Variants in RPS6KC1 observed in about 807,000 individuals in gnomAD.
RPS6KC1 encodes inactive ribosomal protein S6 kinase delta-1.
In RPS6KC1, 54 loss-of-function variants were observed where a neutral mutation model predicts 103.8. The ratio of observed to expected loss-of-function variants is 0.52; its 90% CI spans 0.42 to 0.65. RPS6KC1 has a LOEUF of 0.65. Among genes scored for constraint, RPS6KC1 ranks in the 30% least tolerant of loss-of-function variants. RPS6KC1 has a pLI of 0.00. For synonymous variants in RPS6KC1, 439 were observed against 438.7 expected, an observed-to-expected ratio of 1.00 and a Z score of -0.01; for missense variants, 1,151 against 1,253.8, an observed-to-expected ratio of 0.92 and a Z score of 1.24.
chr1:213,342,793 A>G, the RPS6KC1 span, among the ~76,000 whole-genome samples: 3 of 152,322 alleles, frequency 2.0e-5, no homozygotes, highest in African/African-American at 7.2e-5. Flanking sequence ...AAAGAGAAGA[A>G]CTAAAAGATA....
chr1:213,699,012 G>T, the RPS6KC1 span, among the ~76,000 whole-genome samples: 1 of 151,740 alleles, frequency 6.6e-6, no homozygotes, highest in Non-Finnish European at 1.5e-5. Context: ...ATGGAAAATG[G>T]GGTATTATTA....
At chr1:213,105,193 G>A (rs2082358573) in intron 4 of RPS6KC1, among the ~76,000 whole-genome samples, 2 of 149,368 alleles carry the variant, frequency 1.3e-5, no homozygotes, top group South Asian at 4.2e-4. Context: ...TAAGTTCCTA[G>A]ATATGTAATG....
the RPS6KC1 span, among the ~76,000 whole-genome samples, chr1:213,565,602 A>G: frequency 6.6e-6 from 1 of 152,200 alleles, no homozygotes; most frequent in African/African-American, 2.4e-5. Flanking sequence ...TTTGAAGGGA[A>G]TAGGGATGGA....
the RPS6KC1 span, among the ~76,000 whole-genome samples, chr1:213,701,791 A>T: frequency 1.5e-3 from 234 of 151,862 alleles, no homozygotes; most frequent in Non-Finnish European, 2.5e-3. Flanking sequence ...TATTTATTAG[A>T]GTCTTCTCAC....
At chr1:213,516,982 C>T in the RPS6KC1 span, among the ~76,000 whole-genome samples, 1 of 152,226 alleles carries the variant, frequency 6.6e-6, no homozygotes, top group East Asian at 1.9e-4. Context: ...AGGAATTTAT[C>T]CATTTCTTCT....
chr1:213,801,017 G>A, the RPS6KC1 span, among the ~76,000 whole-genome samples: 5 of 152,168 alleles, frequency 3.3e-5, no homozygotes, highest in African/African-American at 7.2e-5. Context: ...TCCTTCTCAG[G>A]TCTGGGATCT....
At chr1:213,220,334 T>C (rs1008756955) in intron 8 of RPS6KC1, among the ~76,000 whole-genome samples, 4 of 152,138 alleles carry the variant, frequency 2.6e-5, no homozygotes, top group African/African-American at 9.7e-5. Flanking sequence ...CTGTTGCCAT[T>C]TTATGTTTTT....
chr1:213,329,162 A>G, the RPS6KC1 span, among the ~76,000 whole-genome samples: 1 of 152,084 alleles, frequency 6.6e-6, no homozygotes, highest in East Asian at 1.9e-4. Context: ...AATTAAATTC[A>G]TCTTGGGGCT....
chr1:213,757,248 A>G, the RPS6KC1 span, among the ~76,000 whole-genome samples: 1 of 152,258 alleles, frequency 6.6e-6, no homozygotes, highest in East Asian at 1.9e-4. Flanking sequence ...GTCAAAACCC[A>G]AGATAGGCTG....
intron 3 of RPS6KC1, among the ~76,000 whole-genome samples, chr1:213,088,505 G>A (rs2080642358): frequency 6.6e-6 from 1 of 151,894 alleles, no homozygotes; most frequent in Non-Finnish European, 1.5e-5. Context: ...TGGGATTACA[G>A]GCTACCATGC....
chr1:213,759,450 A>C, the RPS6KC1 span, among the ~76,000 whole-genome samples: 1 of 152,084 alleles, frequency 6.6e-6, no homozygotes, highest in African/African-American at 2.4e-5. Flanking sequence ...TTCTTTATAT[A>C]TTTCTGTTTC....
chr1:213,103,261 A>G (rs1484737411), intron 3 of RPS6KC1, among the ~76,000 whole-genome samples: 1 of 151,892 alleles, frequency 6.6e-6, no homozygotes, highest in Non-Finnish European at 1.5e-5. Context: ...CATGGCTTTT[A>G]AAAGTTTTTG....
the RPS6KC1 span, among the ~76,000 whole-genome samples, chr1:213,611,681 G>C: frequency 3.9e-5 from 6 of 152,194 alleles, no homozygotes; most frequent in Non-Finnish European, 7.3e-5. Context: ...CTTGTATTTA[G>C]CTCTTGAAGC....
At chr1:213,544,390 A>G in the RPS6KC1 span, among the ~76,000 whole-genome samples, 1 of 152,122 alleles carries the variant, frequency 6.6e-6, no homozygotes, top group East Asian at 1.9e-4. Context: ...ACTAGGGGTG[A>G]CTCTTTATAC....
chr1:213,597,290 A>T, the RPS6KC1 span, among the ~76,000 whole-genome samples: 1 of 152,212 alleles, frequency 6.6e-6, no homozygotes, highest in African/African-American at 2.4e-5. Context: ...TGTTTAAGGG[A>T]TATCCTTGCA....
chr1:213,138,923 T>C (rs1268355914), intron 6 of RPS6KC1, among the ~76,000 whole-genome samples: 1 of 152,220 alleles, frequency 6.6e-6, no homozygotes, highest in Non-Finnish European at 1.5e-5. Context: ...CTTTGAGGAA[T>C]CTCCAGACTG....
chr1:213,598,076 T>C, the RPS6KC1 span, among the ~76,000 whole-genome samples: 2 of 152,080 alleles, frequency 1.3e-5, no homozygotes, highest in Non-Finnish European at 1.5e-5. Flanking sequence ...TGTAAATACA[T>C]AAAAGGAAAA....
the RPS6KC1 span, among the ~76,000 whole-genome samples, chr1:213,300,069 C>T: frequency 6.6e-5 from 10 of 152,106 alleles, no homozygotes; most frequent in East Asian, 1.9e-4. Context: ...CCTCCCAAAG[C>T]GCTGGGATTA....
chr1:213,178,835 C>T (rs1436851352), intron 8 of RPS6KC1, among the ~76,000 whole-genome samples: 1 of 151,964 alleles, frequency 6.6e-6, no homozygotes, highest in Non-Finnish European at 1.5e-5. Context: ...CTGTCTCAGC[C>T]TCCTGAGTAG....
Sources: gnomAD v4.1 joint callset for allele counts (sites outside exome capture counted in the v4.1 genomes callset) on GRCh38, gnomAD v4.1.1 for gene constraint, MANE v1.5 for transcripts, NCBI Gene and HGNC (gene_info 2026-07-23, HGNC 2026-07-21) for gene names.